Variants in IL1RAPL1 observed in about 807,000 individuals in gnomAD.
The protein encoded by IL1RAPL1 is interleukin 1 receptor accessory protein like 1.
IL1RAPL1 carries 3 observed loss-of-function variants against 48.4 expected under a neutral mutation model. That is an observed-to-expected ratio of 0.06 (90% CI 0.03 to 0.16). IL1RAPL1 has a LOEUF of 0.16. Among genes scored for constraint, IL1RAPL1 ranks in the 10% least tolerant of loss-of-function variants. The probability of loss-of-function intolerance (pLI) is 1.00; values close to 1 mark genes in which losing one functional copy is unlikely to be tolerated. For missense variants in IL1RAPL1, 349 were observed against 530.6 expected, an observed-to-expected ratio of 0.66 and a Z score of 3.36; for synonymous variants, 185 against 187.7, an observed-to-expected ratio of 0.99 and a Z score of 0.12.
At chrX:28,801,321 ATTTTTTCCAATCAAAAACTTCTTT>A (rs1390278711) in intron 2 of IL1RAPL1, among the ~76,000 whole-genome samples, 16 of 111,449 alleles carry the variant, frequency 1.4e-4, no homozygotes, top group Non-Finnish European at 2.8e-4. Flanking sequence ...TATAGATAAA[ATTTTTTCCAATCAAAAACTTCTTT>A]TTTTTTCCAA....
intron 2 of IL1RAPL1, among the ~76,000 whole-genome samples, chrX:29,255,107 TTAGTAACTAAGG>T (rs1185755514): frequency 4.9e-5 from 5 of 102,480 alleles, no homozygotes; most frequent in Non-Finnish European, 4.0e-5. Flanking sequence ...TTTTGAGTTT[TTAGTAACTAAGG>T]TATTTGTGTG....
chrX:28,786,640 G>A (rs1238969174), intron 1 of IL1RAPL1, among the ~76,000 whole-genome samples: 1 of 111,781 alleles, frequency 8.9e-6, no homozygotes, highest in Non-Finnish European at 1.9e-5. Flanking sequence ...TGGCAAAGCT[G>A]GGATATATAG....
At position 29,168,613 on chromosome X, in the gene IL1RAPL1, A is replaced by G. The variant is rs72625527; in HGVS notation, c.83-114325A>G. Among the ~76,000 whole-genome samples, 25 of 75,466 alleles carry G rather than the reference A, an allele frequency of 3.3e-4. 1 individual carries two copies. In the East Asian group the frequency reaches 8.5e-3, roughly 26 times the overall value. 65.5% of individuals were successfully genotyped at this position (75,466 alleles called of 115,157 possible). A position where few individuals can be genotyped will look rare whatever the true frequency, so the allele number is the denominator to read the frequency against. On this transcript the variant is annotated intron_variant, in intron 2 of 10. Coordinates refer to ENST00000378993, the MANE Select transcript of IL1RAPL1 (RefSeq NM_014271.4). ...TATATATTCATATATACAATTGTATATTTATATTCATATATATACATCTAT... is the reference window on the plus strand; with the variant it reads ...TATATATTCATATATACAATTGTATGTTTATATTCATATATATACATCTAT...
intron 1 of IL1RAPL1, among the ~76,000 whole-genome samples, chrX:28,702,842 G>T (rs1181872565): frequency 9.5e-6 from 1 of 105,170 alleles, no homozygotes. Flanking sequence ...TCCATGTTGT[G>T]TTTTTTTTTT....
At chrX:29,348,231 C>T (rs1211501404) in intron 3 of IL1RAPL1, among the ~76,000 whole-genome samples, 1 of 111,581 alleles carries the variant, frequency 9.0e-6, no homozygotes, top group Non-Finnish European at 1.9e-5. Flanking sequence ...CTTAGAGTAA[C>T]AAGGTAGTAT....
chrX:29,439,678 T>A (rs955893221), intron 5 of IL1RAPL1, among the ~76,000 whole-genome samples: 1 of 110,777 alleles, frequency 9.0e-6, no homozygotes, highest in Admixed American at 9.7e-5. Flanking sequence ...CTATTTGGAT[T>A]GAAAACTATA....
intron 2 of IL1RAPL1, among the ~76,000 whole-genome samples, chrX:28,799,803 C>T (rs1259705576): frequency 1.8e-5 from 2 of 111,153 alleles, no homozygotes; most frequent in African/African-American, 6.6e-5. Flanking sequence ...TGAAATAATT[C>T]GAGGAGAGGT....
chrX:29,518,251 C>A (rs1003801520), intron 5 of IL1RAPL1, among the ~76,000 whole-genome samples: 2 of 111,163 alleles, frequency 1.8e-5, no homozygotes, highest in Admixed American at 1.9e-4. Flanking sequence ...TACAAAATAG[C>A]ATATGGCTCT....
At chrX:28,845,785 A>G (rs1430640795) in intron 2 of IL1RAPL1, among the ~76,000 whole-genome samples, 3 of 112,217 alleles carry the variant, frequency 2.7e-5, no homozygotes, top group Non-Finnish European at 5.6e-5. Context: ...GATTATTTTT[A>G]GAGCAGTTTC....
At chrX:29,611,222 A>G (rs1024044228) in intron 5 of IL1RAPL1, among the ~76,000 whole-genome samples, 1 of 111,067 alleles carries the variant, frequency 9.0e-6, no homozygotes, top group African/African-American at 3.3e-5. Flanking sequence ...AGGTCCAATA[A>G]GAAACATTTT....
intron 1 of IL1RAPL1, among the ~76,000 whole-genome samples, chrX:28,728,835 C>T (rs1292457254): frequency 9.0e-6 from 1 of 111,092 alleles, no homozygotes; most frequent in Non-Finnish European, 1.9e-5. Context: ...TCATTTAAAC[C>T]CTCTGGAGTC....
chrX:29,720,423 A>C (rs1927606950), intron 6 of IL1RAPL1, among the ~76,000 whole-genome samples: 1 of 108,979 alleles, frequency 9.2e-6, no homozygotes, highest in Non-Finnish European at 1.9e-5. Flanking sequence ...CTATGCAGCC[A>C]TAAAAAAGGA....
chrX:28,684,791 TG>T (rs991162535), intron 1 of IL1RAPL1, among the ~76,000 whole-genome samples: 23 of 112,108 alleles, frequency 2.1e-4, no homozygotes, highest in African/African-American at 7.5e-4. Context: ...AAATTTGTGA[TG>T]TTTTTAATTA....
chrX:28,663,394 G>C (rs1934842319), intron 1 of IL1RAPL1, among the ~76,000 whole-genome samples: 1 of 112,316 alleles, frequency 8.9e-6, no homozygotes, highest in South Asian at 3.7e-4. Flanking sequence ...TGGAGTAATT[G>C]AGAGTAGGCT....
chrX:28,853,471 C>T (rs1381478764), intron 2 of IL1RAPL1, among the ~76,000 whole-genome samples: 1 of 85,890 alleles, frequency 1.2e-5, no homozygotes, highest in Admixed American at 1.3e-4. Context: ...TTGCAATCCC[C>T]TCAGTGCATG....
At chrX:28,807,571 T>G (rs963925391) in intron 2 of IL1RAPL1, among the ~76,000 whole-genome samples, 4 of 111,580 alleles carry the variant, frequency 3.6e-5, no homozygotes, top group Non-Finnish European at 7.6e-5. Context: ...GTTTTAGTTT[T>G]ATGTTTTCTC....
chrX:28,872,728 G>C (rs1601939586), intron 2 of IL1RAPL1, among the ~76,000 whole-genome samples: 1 of 112,177 alleles, frequency 8.9e-6, no homozygotes, highest in Admixed American at 9.4e-5. Context: ...AGGTCTTTAA[G>C]TCATTTTGTC....
chrX:29,302,329 TACAACAGAGAAA>T (rs1310899392), intron 3 of IL1RAPL1, among the ~76,000 whole-genome samples: 1 of 111,855 alleles, frequency 8.9e-6, no homozygotes, highest in Admixed American at 9.5e-5. Flanking sequence ...TGACAGAGGT[TACAACAGAGAAA>T]AGAACAGAGT....
intron 5 of IL1RAPL1, among the ~76,000 whole-genome samples, chrX:29,487,115 C>T (rs1465102998): frequency 9.0e-6 from 1 of 111,533 alleles, no homozygotes; most frequent in Non-Finnish European, 1.9e-5. Flanking sequence ...TTAATGAATC[C>T]TGCCTATGAT....
Sources: allele counts gnomAD v4.1 joint callset (sites outside exome capture counted in the v4.1 genomes callset), GRCh38; gene constraint gnomAD v4.1.1; transcripts MANE v1.5; gene names NCBI Gene and HGNC (gene_info 2026-07-23, HGNC 2026-07-21).